The following RNF144B variants were observed in gnomAD, a reference collection of about 807,000 sequenced individuals.
The protein encoded by RNF144B is ring finger protein 144B, also known as E3 ubiquitin-protein ligase RNF144B.
In RNF144B, 25 loss-of-function variants were observed where a neutral mutation model predicts 40.2. The ratio of observed to expected loss-of-function variants is 0.62; its 90% CI spans 0.45 to 0.87. The LOEUF (loss-of-function observed/expected upper bound fraction) is 0.87, where lower values mean the gene tolerates loss of function less well. RNF144B is among the 40% of genes least tolerant of loss of function. RNF144B has a pLI of 0.00. For missense variants in RNF144B, 365 were observed against 373.7 expected (o/e 0.98, Z 0.19); for synonymous variants, 145 against 136.3 (o/e 1.06, Z -0.44).
In RNF144B at chr6:18,444,587, A is replaced by C. The variant is rs1195285346; in HGVS notation, c.331+4843A>C. ...CTTCCGTTCCTTGCTAGGTTGATGT[A>C]TCTGTTCTTGAATATTTATTTATAT... On this transcript the variant is annotated intron_variant, in intron 4 of 7. Transcript: ENST00000259939. The surrounding 1 kb of genome is among the most constrained non-coding windows in gnomAD (Gnocchi z 4.3). Among the ~76,000 whole-genome samples the C allele has an allele frequency of 6.6e-6, 1 of 151,988 alleles. No homozygotes were observed. Among genetic ancestry groups the C allele is most frequent in the African/African-American group, 2.4e-5 (1 of 41,350 alleles).
intron 1 of RNF144B, chr6:18,396,471 G>T (rs956198662): frequency 2.0e-6 from 2 of 983,784 alleles, no homozygotes; most frequent in Non-Finnish European, 2.4e-6. Context: ...AGAGTACCTA[G>T]ATCTCTTGCT....
intron 3 of RNF144B, among the ~76,000 whole-genome samples, chr6:18,429,468 T>G (rs1315049907): frequency 6.6e-6 from 1 of 152,208 alleles, no homozygotes; most frequent in Non-Finnish European, 1.5e-5. Flanking sequence ...AATTTATTGA[T>G]TAGTGGCTGA....
rs1378584658 is a variant in RNF144B, at chr6:18,399,515, A to G, written c.-20A>G. On this transcript the variant is annotated 5_prime_UTR_variant, in exon 2 of 8. Coordinates refer to ENST00000259939, the MANE Select transcript of RNF144B (RefSeq NM_182757.4). ...TTTCTATAGGGATTGAGGAGACTGAAGAATGCTGAAGACAGGCTGATGGGC... is the reference window on the plus strand; with the variant it reads ...TTTCTATAGGGATTGAGGAGACTGAGGAATGCTGAAGACAGGCTGATGGGC... 16 of 1,613,126 alleles carry G rather than the reference A, an allele frequency of 9.9e-6. No homozygotes were observed. The highest frequency in any genetic ancestry group is 1.4e-5 in the Non-Finnish European group (16 of 1,179,358).
chr6:18,460,101 T>A lies in RNF144B; in HGVS notation c.681+350T>A, dbSNP rs1171831040. Among the ~76,000 whole-genome samples the A allele has an allele frequency of 6.6e-6, 1 of 152,224 alleles. No homozygotes were observed. Among genetic ancestry groups the A allele is most frequent in the Non-Finnish European group, 1.5e-5 (1 of 68,042 alleles). ...GGCTTAAAATACCACAAACTTATTA[T>A]CCCACAGTTCTTCACTTTGGAAGTC... On this transcript the variant is annotated intron_variant, in intron 6 of 7. Coordinates refer to ENST00000259939, the MANE Select transcript of RNF144B (RefSeq NM_182757.4). This position sits in a 1 kb window ranked among gnomAD's most constrained non-coding sequence, Gnocchi z 4.4.
intron 3 of RNF144B, among the ~76,000 whole-genome samples, chr6:18,438,721 A>G (rs1177104844): frequency 1.3e-5 from 2 of 152,118 alleles, no homozygotes; most frequent in Admixed American, 1.3e-4. Flanking sequence ...AAGAACGTCA[A>G]TGTAGGTGTG....
Position 18,457,346 on chromosome 6 carries a change from C to A in RNF144B, c.523C>A (p.Pro175Thr). The change falls in exon 5 of 8, where the codon CCA (proline) becomes ACA (threonine). Residue 175 changes from proline (P) to threonine (T), a missense_variant. By Grantham distance (38) the Pro-to-Thr change is conservative (BLOSUM62 -1). Transcript: ENST00000259939. This position sits in a 1 kb window ranked among gnomAD's most constrained non-coding sequence, Gnocchi z 5.1. ...SCRDSQPIVLPTEHRALFGTD... is the reference protein window; with the variant it reads ...SCRDSQPIVLTTEHRALFGTD... ...TAGAGACAGTCAGCCTATTGTCCTG[C>A]CAACAGAGCACCGGTAAGAAAGGAA... 1 of 1,613,254 alleles carries A rather than the reference C, an allele frequency of 6.2e-7. No individual in the cohort carries two copies. Among genetic ancestry groups the A allele is most frequent in the Non-Finnish European group, 8.5e-7 (1 of 1,179,196 alleles).
chr6:18,399,361 G>T (rs1364059610), intron 1 of RNF144B, 138 bp from the exon 2 acceptor site: 2 of 619,504 alleles, frequency 3.2e-6, no homozygotes, highest in Non-Finnish European at 5.5e-6. Context: ...TCTCTAGCCC[G>T]TCGTTCCCAG....
At chr6:18,461,157 A>G (rs1023000355) in intron 6 of RNF144B, among the ~76,000 whole-genome samples, 4 of 152,210 alleles carry the variant, frequency 2.6e-5, no homozygotes, top group Non-Finnish European at 5.9e-5. Flanking sequence ...ATGAATAAGA[A>G]TAATAACCTC....
chr6:18,405,962 C>A lies in RNF144B; in HGVS notation c.165+6263C>A, dbSNP rs1259511876. 1 of 495,980 alleles carries A rather than the reference C, an allele frequency of 2.0e-6. No homozygotes were observed. Among genetic ancestry groups the A allele is most frequent in the African/African-American group, 1.9e-5 (1 of 51,328 alleles). The allele number at this position is 495,980 out of a possible 1,614,324, so 30.7% of individuals were successfully genotyped here. On this transcript the variant is annotated intron_variant, in intron 2 of 7. Coordinates refer to ENST00000259939, the MANE Select transcript of RNF144B (RefSeq NM_182757.4). The surrounding 1 kb of genome is among the most constrained non-coding windows in gnomAD (Gnocchi z 4.5). ...AGTGACCTTAGATCTTCTAGTTCCC[C>A]CACCCTCCTAATGAAAGAAGTCATT...
rs1338808428 is a variant in RNF144B at position 18,422,793 on chromosome 6, T to TTCAA, written c.166-4774_166-4771dup. 1.3e-5 allele frequency among the ~76,000 whole-genome samples: 2 copies of TTCAA among 151,972 alleles called. No individual in the cohort carries two copies. Among genetic ancestry groups the TTCAA allele is most frequent in the Admixed American group, 6.6e-5 (1 of 15,242 alleles). ...CCTGCTTGGGCAACATAGACCCAAT[T>TTCAA]TCAATCAATCAATCAATAGTCGAGT... On this transcript the variant is annotated intron_variant, in intron 2 of 7. Transcript: ENST00000259939. This position sits in a 1 kb window ranked among gnomAD's most constrained non-coding sequence, Gnocchi z 4.7.
chr6:18,401,540 A>G (rs188337293), intron 2 of RNF144B, among the ~76,000 whole-genome samples: 37 of 152,340 alleles, frequency 2.4e-4, no homozygotes, highest in South Asian at 2.3e-3. Flanking sequence ...TAAGCGGTGT[A>G]TGATTACATT....
intron 4 of RNF144B, among the ~76,000 whole-genome samples, chr6:18,440,672 C>G (rs1008753369): frequency 6.6e-6 from 1 of 150,398 alleles, no homozygotes; most frequent in African/African-American, 2.4e-5. Flanking sequence ...AGAAAAAAAA[C>G]GTACAGAGCA....
At chr6:18,403,957 C>T (rs189375159) in intron 2 of RNF144B, among the ~76,000 whole-genome samples, 78 of 152,304 alleles carry the variant, frequency 5.1e-4, no homozygotes, top group Non-Finnish European at 7.2e-4. Context: ...AGAACTAATT[C>T]ATTCTCGCCA....
intron 2 of RNF144B, among the ~76,000 whole-genome samples, chr6:18,403,283 A>G (rs1367494590): frequency 6.6e-6 from 1 of 152,182 alleles, no homozygotes. Context: ...TGTGTACAAT[A>G]TTTGCTTCTG....
intron 1 of RNF144B, chr6:18,396,399 T>C (rs1051915814): frequency 2.0e-6 from 2 of 975,782 alleles, no homozygotes; most frequent in African/African-American, 3.5e-5. Context: ...CTTTGGCCTG[T>C]TTAATATTTC....
Position 18,467,085 on chromosome 6 carries a change from G to A in RNF144B, c.*2018G>A, listed in dbSNP as rs1189101910. 4.6e-5 allele frequency: 7 copies of A among 152,536 alleles called. No homozygotes were observed. In the South Asian group the frequency reaches 6.2e-4, roughly 14 times the overall value. 9.4% of individuals were successfully genotyped at this position (152,536 alleles called of 1,614,324 possible). On this transcript the variant is annotated 3_prime_UTR_variant, in exon 8 of 8. Transcript: ENST00000259939. Reference sequence around the variant, plus strand: ...ATAGTTAATTTGCTTTGTTTTACACGTAGCCCACTGCCTCATTATAGGTAA... The same window carrying A: ...ATAGTTAATTTGCTTTGTTTTACACATAGCCCACTGCCTCATTATAGGTAA...
rs1794736388 is a variant in RNF144B, at chr6:18,398,602, C to T, written c.-36-897C>T. On this transcript the variant is annotated intron_variant, in intron 1 of 7. Transcript: ENST00000259939. This position sits in a 1 kb window ranked among gnomAD's most constrained non-coding sequence, Gnocchi z 5.0. Reference sequence around the variant, plus strand: ...AGAGACGAGGTTTCACCATGTTGGCCAGGCTGGTCTTGAACTCCTGACCTC... The same window carrying T: ...AGAGACGAGGTTTCACCATGTTGGCTAGGCTGGTCTTGAACTCCTGACCTC... Among the ~76,000 whole-genome samples the T allele has an allele frequency of 6.6e-6, 1 of 152,146 alleles. No individual in the cohort carries two copies. Among genetic ancestry groups the T allele is most frequent in the Admixed American group, 6.6e-5 (1 of 15,254 alleles).
At chr6:18,389,602 C>G (rs17626032) in intron 1 of RNF144B, among the ~76,000 whole-genome samples, 1 of 152,034 alleles carries the variant, frequency 6.6e-6, no homozygotes, top group Non-Finnish European at 1.5e-5. Context: ...ACATTACTTT[C>G]TTGGAGAGTG....
At chr6:18,407,084 G>A (rs1425290423) in intron 2 of RNF144B, among the ~76,000 whole-genome samples, 1 of 152,180 alleles carries the variant, frequency 6.6e-6, no homozygotes, top group East Asian at 1.9e-4. Flanking sequence ...AACATCTGGG[G>A]GTTATAATTC....
Sources: gnomAD v4.1 joint callset for allele counts (sites outside exome capture counted in the v4.1 genomes callset) on GRCh38, gnomAD v4.1.1 for gene constraint, Gnocchi (gnomAD v3.1) non-coding constraint, MANE v1.5 for transcripts, NCBI Gene and HGNC (gene_info 2026-07-23, HGNC 2026-07-21) for gene names.